The following ANKRD11 variants were observed in gnomAD, a reference collection of about 807,000 sequenced individuals.
ANKRD11 encodes the protein ankyrin repeat domain 11, also known as ankyrin repeat domain-containing protein 11.
A neutral mutation model predicts 195.7 loss-of-function variants in ANKRD11; 17 were observed. The observed-to-expected ratio is 0.09, with a 90% confidence interval of 0.06 to 0.13. The LOEUF is 0.13. Among genes scored for constraint, ANKRD11 ranks in the 10% least tolerant of loss-of-function variants. The probability of loss-of-function intolerance (pLI) is 1.00; values close to 1 mark genes in which losing one functional copy is unlikely to be tolerated. For synonymous variants in ANKRD11, 1,953 were observed against 1,528.1 expected (o/e 1.28, Z -6.49); for missense variants, 3,735 against 3,566.1 (o/e 1.05, Z -1.21).
Position 89,282,366 on chromosome 16 carries a change from G to A in ANKRD11, c.4176C>T (p.Tyr1392=), listed in dbSNP as rs1352639242. The change falls in exon 9 of 13, where the codon TAC becomes TAT. Residue 1392 remains tyrosine (Y), a synonymous_variant. Transcript: ENST00000301030. ...CATCCGCCTCCAGGAAGTCCTTTTCGTACTGGCCGGAGTCCTTCCTGCTAC... is the reference window on the plus strand; with the variant it reads ...CATCCGCCTCCAGGAAGTCCTTTTCATACTGGCCGGAGTCCTTCCTGCTAC... The part of the protein sequence containing the change: ...EGGSRKDSGQ[Y]EKDFLEADAY... The A allele has an allele frequency of 7.4e-6, 12 of 1,614,030 alleles. No homozygotes were observed. Among genetic ancestry groups the A allele is most frequent in the African/African-American group, 4.0e-5 (3 of 74,902 alleles).
intron 1 of ANKRD11, among the ~76,000 whole-genome samples, chr16:89,477,090 C>A (rs1389537264): frequency 6.6e-6 from 1 of 152,098 alleles, no homozygotes; most frequent in Non-Finnish European, 1.5e-5. Context: ...TCTTGTCTTT[C>A]TTTGTCTACT....
At chr16:89,442,083 G>A (rs373850886) in intron 1 of ANKRD11, among the ~76,000 whole-genome samples, 1 of 152,198 alleles carries the variant, frequency 6.6e-6, no homozygotes, top group African/African-American at 2.4e-5. Flanking sequence ...GAATTCATCA[G>A]TATGAAAAAG....
chr16:89,316,641 T>C (rs1446418905), intron 3 of ANKRD11, among the ~76,000 whole-genome samples: 1 of 152,236 alleles, frequency 6.6e-6, no homozygotes, highest in East Asian at 1.9e-4. Flanking sequence ...AGGACAGAAA[T>C]CCTGGACTTC....
chr16:89,368,660 C>G (rs1261345501), intron 2 of ANKRD11, among the ~76,000 whole-genome samples: 1 of 148,350 alleles, frequency 6.7e-6, no homozygotes, highest in Non-Finnish European at 1.5e-5. Context: ...GTAATCCCAA[C>G]ATTTTGGGAG....
chr16:89,399,095 G>T (rs2041585629), intron 2 of ANKRD11, among the ~76,000 whole-genome samples: 2 of 152,290 alleles, frequency 1.3e-5, no homozygotes, highest in Non-Finnish European at 2.9e-5. Flanking sequence ...CCTGAACACT[G>T]ACCTCCTGTC....
chr16:89,282,665 T>C lies in ANKRD11; in HGVS notation c.3877A>G (p.Arg1293Gly). The change falls in exon 9 of 13, where the codon AGA becomes GGA. Residue 1293 changes from arginine (R) to glycine (G), a missense_variant. Arg to Gly is a moderately radical substitution (Grantham distance 125). Transcript: ENST00000301030. ...KLEEEALHEYREDSNDKISEV... is the reference protein window; with the variant it reads ...KLEEEALHEYGEDSNDKISEV... ...CTGATTTTATCGTTGGAGTCTTCTC[T>C]GTACTCATGGAGAGCCTCTTCTTCC... 1.9e-6 allele frequency: 3 copies of C among 1,614,210 alleles called. No individual in the cohort carries two copies. Among genetic ancestry groups the C allele is most frequent in the African/African-American group, 1.3e-5 (1 of 75,054 alleles).
At chr16:89,370,468 A>G (rs927203417) in intron 2 of ANKRD11, among the ~76,000 whole-genome samples, 1 of 152,162 alleles carries the variant, frequency 6.6e-6, no homozygotes, top group Non-Finnish European at 1.5e-5. Context: ...CTCCTGCAAG[A>G]TGACACCCAG....
Position 89,282,704 on chromosome 16 carries a change from G to C in ANKRD11, c.3838C>G (p.Leu1280Val). The change falls in exon 9 of 13, where the codon CTG becomes GTG. Residue 1280 changes from leucine (L) to valine (V), a missense_variant. Physicochemically the swap from Leu to Val is conservative, Grantham distance 32. Transcript: ENST00000301030. ...SSRSADAEKS[L>V]LEKLEEEALH... ...GCCTCTTCTTCCAACTTTTCAAGCAGGCTTTTTTCCGCGTCGGCACTTCTC... is the reference window on the plus strand; with the variant it reads ...GCCTCTTCTTCCAACTTTTCAAGCACGCTTTTTTCCGCGTCGGCACTTCTC... The C allele has an allele frequency of 6.2e-7, 1 of 1,614,048 alleles. No individual in the cohort carries two copies. The highest frequency in any genetic ancestry group is 1.7e-5 in the Admixed American group (1 of 60,018).
At chr16:89,314,084 T>C (rs1160959314) in intron 3 of ANKRD11, among the ~76,000 whole-genome samples, 44 of 152,042 alleles carry the variant, frequency 2.9e-4, no homozygotes, top group Non-Finnish European at 1.6e-4. Flanking sequence ...ATGAGCCGGG[T>C]GTAGCGGTCT....
chr16:89,432,212 T>C (rs1312786796), intron 1 of ANKRD11, among the ~76,000 whole-genome samples: 1 of 151,162 alleles, frequency 6.6e-6, no homozygotes, highest in African/African-American at 2.4e-5. Flanking sequence ...AAGGAATATA[T>C]TCATGTTGTA....
intron 6 of ANKRD11, 115 bp downstream of exon 6, chr16:89,290,510 G>A: frequency 1.1e-6 from 1 of 907,242 alleles, no homozygotes; most frequent in Non-Finnish European, 1.7e-6. Context: ...GGGAGGCTCA[G>A]GGCTCCAATG....
intron 2 of ANKRD11, among the ~76,000 whole-genome samples, chr16:89,349,387 G>A (rs376260508): frequency 1.3e-5 from 2 of 151,900 alleles, no homozygotes; most frequent in Admixed American, 6.6e-5. Flanking sequence ...GGCTGAGGCA[G>A]GAGAATGGCG....
intron 2 of ANKRD11, among the ~76,000 whole-genome samples, chr16:89,320,595 G>A (rs1246315645): frequency 1.3e-5 from 2 of 152,182 alleles, no homozygotes; most frequent in African/African-American, 4.8e-5. Context: ...TTCGTGGACT[G>A]TCAGGGTCAC....
chr16:89,468,438 C>T (rs565826149), intron 1 of ANKRD11, among the ~76,000 whole-genome samples: 4 of 152,312 alleles, frequency 2.6e-5, no homozygotes, highest in East Asian at 3.9e-4. Flanking sequence ...GGTGCAATGG[C>T]TCACACTTGT....
intron 1 of ANKRD11, among the ~76,000 whole-genome samples, chr16:89,453,405 A>G (rs2056281318): frequency 6.6e-6 from 1 of 152,234 alleles, no homozygotes; most frequent in Non-Finnish European, 1.5e-5. Flanking sequence ...CAAAATTTCT[A>G]ATAGGAATTT....
chr16:89,432,058 C>T (rs2043001892), intron 1 of ANKRD11, among the ~76,000 whole-genome samples: 1 of 152,092 alleles, frequency 6.6e-6, no homozygotes, highest in Non-Finnish European at 1.5e-5. Flanking sequence ...TATTTCTTTA[C>T]CTACATCATC....
At position 89,458,983 on chromosome 16, in the gene ANKRD11, G is replaced by C. The variant is rs2056555444; in HGVS notation, c.-145+31262C>G. The C allele has an allele frequency of 1.3e-5, 2 of 152,664 alleles. 1 individual carries two copies. The highest frequency in any genetic ancestry group is 4.1e-4 in the South Asian group (2 of 4,842). 9.5% of individuals were successfully genotyped at this position (152,664 alleles called of 1,614,324 possible). A position where few individuals can be genotyped will look rare whatever the true frequency, so the allele number is the denominator to read the frequency against. ...GTCTTCAGGAAAACTTCTCTGTGAT[G>C]AAAGAACCCAGATTCACAGTGGTGA... On this transcript the variant is annotated intron_variant, in intron 1 of 12. Transcript: ENST00000301030.
At position 89,446,411 on chromosome 16, in the gene ANKRD11, C is replaced by T. The variant is rs2965944; in HGVS notation, c.-144-28043G>A. Among the ~76,000 whole-genome samples the T allele has an allele frequency of 2.5e-3, 381 of 152,262 alleles. 3 individuals are homozygous for T. Among genetic ancestry groups the T allele is most frequent in the African/African-American group, 8.6e-3 (356 of 41,532 alleles). On this transcript the variant is annotated intron_variant, in intron 1 of 12. Coordinates refer to ENST00000301030, the MANE Select transcript of ANKRD11 (RefSeq NM_013275.6). ...TTGAGCCCTGGAGTTCGAGACCAGCCTGGTCAACATAGCAAAACCCCATCT... is the reference window on the plus strand; with the variant it reads ...TTGAGCCCTGGAGTTCGAGACCAGCTTGGTCAACATAGCAAAACCCCATCT...
intron 2 of ANKRD11, among the ~76,000 whole-genome samples, chr16:89,389,834 C>A (rs1433159272): frequency 1.6e-5 from 2 of 124,262 alleles, no homozygotes; most frequent in South Asian, 5.5e-4. Context: ...GGGCAAACAC[C>A]GAGTGTGGCG....
Sources: gnomAD v4.1 joint callset for allele counts (sites outside exome capture counted in the v4.1 genomes callset) on GRCh38, gnomAD v4.1.1 for gene constraint, MANE v1.5 for transcripts, NCBI Gene and HGNC (gene_info 2026-07-23, HGNC 2026-07-21) for gene names.